TSPAN14: variants seen among roughly 807,000 people sequenced by gnomAD.
TSPAN14 encodes tetraspanin 14.
A neutral mutation model predicts 36.6 loss-of-function variants in TSPAN14; 16 were observed. The ratio of observed to expected loss-of-function variants is 0.44; its 90% CI spans 0.30 to 0.66. The LOEUF is 0.66. Among genes scored for constraint, TSPAN14 ranks in the 30% least tolerant of loss-of-function variants. The pLI, the probability that TSPAN14 is intolerant of heterozygous loss-of-function variation, is 0.12. For synonymous variants in TSPAN14, 139 were observed against 143.8 expected, an observed-to-expected ratio of 0.97 and a Z score of 0.24; for missense variants, 231 against 355.1, an observed-to-expected ratio of 0.65 and a Z score of 2.81.
At chr10:80,457,874 A>G (rs150051090) in intron 1 of TSPAN14, among the ~76,000 whole-genome samples, 157 of 152,350 alleles carry the variant, frequency 1.0e-3, no homozygotes, top group African/African-American at 3.3e-3. Flanking sequence ...CTGCATGTTC[A>G]TCACTTATCT....
exon 9 of TSPAN14, chr10:80,520,630 T>A: frequency 1.9e-6 from 1 of 533,482 alleles, no homozygotes; most frequent in Non-Finnish European, 3.8e-6. Flanking sequence ...TTATTTTTCC[T>A]GTCCCGTCTT....
chr10:80,499,880 T>TGA (rs1848397376), intron 2 of TSPAN14, among the ~76,000 whole-genome samples: 1 of 151,410 alleles, frequency 6.6e-6, no homozygotes, highest in Non-Finnish European at 1.5e-5. Flanking sequence ...GCCCCGTTCT[T>TGA]CAGTAGGTAA....
At chr10:80,508,277 G>A (rs1281083369) in intron 4 of TSPAN14, among the ~76,000 whole-genome samples, 1 of 151,926 alleles carries the variant, frequency 6.6e-6, no homozygotes, top group Admixed American at 6.6e-5. Context: ...TACCATGCCT[G>A]GCTAATTTTT....
intron 2 of TSPAN14, 117 bp from the exon 3 acceptor site, chr10:80,504,609 ATG>A: frequency 1.7e-6 from 2 of 1,172,364 alleles, no homozygotes; most frequent in East Asian, 4.7e-5. Flanking sequence ...CTGAGGGGCC[ATG>A]TGGGATGTGA....
rs892727560 is a variant in TSPAN14 at position 80,512,363 on chromosome 10, C to A, written c.576+94C>A. On this transcript the variant is annotated intron_variant, in intron 6 of 8. Coordinates refer to ENST00000429989, the Ensembl canonical transcript of TSPAN14. ...CCAGTGCTCTAGGATACTTCTCTGT[C>A]ATGGAGGTCTGAGGAGCAGGTGTGC... The A allele has an allele frequency of 9.9e-6, 15 of 1,520,354 alleles. No homozygotes were observed. The African/African-American group carries it at 2.1e-4, about 21-fold the overall frequency. The allele number at this position is 1,520,354 out of a possible 1,614,324, so 94.2% of individuals were successfully genotyped here.
In TSPAN14 at chr10:80,509,423, C is replaced by T. The variant is rs1363728520; in HGVS notation, c.402C>T (p.Tyr134=). Residue 134 remains tyrosine, a synonymous_variant, in exon 5 of 9, where the codon TAC becomes TAT. Transcript: ENST00000429989. The surrounding 1 kb of genome is among the most constrained non-coding windows in gnomAD (Gnocchi z 4.7). ...TCTTCGAGAGCAACATCAAGTCCTA[C>T]CGGGACGATATCGATCTGCAAAACC... The T allele has an allele frequency of 6.2e-7, 1 of 1,614,152 alleles. No individual in the cohort carries two copies. The highest frequency in any genetic ancestry group is 8.5e-7 in the Non-Finnish European group (1 of 1,180,030).
intron 1 of TSPAN14, among the ~76,000 whole-genome samples, chr10:80,485,323 A>G (rs1011198192): frequency 6.6e-6 from 1 of 152,160 alleles, no homozygotes; most frequent in East Asian, 1.9e-4. Flanking sequence ...GCTAGGGACC[A>G]TGGTCATTTT....
intron 2 of TSPAN14, among the ~76,000 whole-genome samples, chr10:80,499,199 C>T (rs1258197606): frequency 2.0e-5 from 3 of 152,102 alleles, no homozygotes; most frequent in Non-Finnish European, 4.4e-5. Context: ...AGGGCCTGGC[C>T]GGGTGTCACT....
chr10:80,483,645 A>C (rs1847414755), intron 1 of TSPAN14, among the ~76,000 whole-genome samples: 1 of 152,132 alleles, frequency 6.6e-6, no homozygotes, highest in African/African-American at 2.4e-5. Context: ...ATGGTGGCTT[A>C]TGCCTATAAT....
chr10:80,506,252 C>T (rs1028797019), intron 3 of TSPAN14, among the ~76,000 whole-genome samples: 56 of 152,206 alleles, frequency 3.7e-4, no homozygotes, highest in Admixed American at 1.4e-3. Flanking sequence ...GGATTACAGA[C>T]GTGAGCCGCC....
rs149060936 is a variant in TSPAN14 at position 80,470,904 on chromosome 10, G to A, written c.-18+16533G>A. ...TAATCTTCATTGGAGGGTCAGTCTC[G>A]GGGTGAAACAGTTGCCTGCTGCCAG... On this transcript the variant is annotated intron_variant, in intron 1 of 8. Transcript: ENST00000429989. Among the ~76,000 whole-genome samples, 84 of 152,256 alleles carry A rather than the reference G, an allele frequency of 5.5e-4. 1 individual carries two copies. The highest frequency in any genetic ancestry group is 1.8e-3 in the African/African-American group (74 of 41,546).
chr10:80,517,826 C>T, intron 8 of TSPAN14, 79 bp from the exon 9 acceptor site: 1 of 1,429,686 alleles, frequency 7.0e-7, no homozygotes, highest in Admixed American at 2.0e-5. Context: ...AGTGGGAGCT[C>T]CCAACCCCAC....
chr10:80,517,207 G>A (rs553537367), intron 8 of TSPAN14, among the ~76,000 whole-genome samples: 2 of 152,250 alleles, frequency 1.3e-5, no homozygotes, highest in South Asian at 2.1e-4. Flanking sequence ...CTCCTTCAAG[G>A]AAGACTAAGA....
At chr10:80,487,547 T>A (rs1345206693) in intron 1 of TSPAN14, among the ~76,000 whole-genome samples, 1 of 152,198 alleles carries the variant, frequency 6.6e-6, no homozygotes, top group Non-Finnish European at 1.5e-5. Flanking sequence ...GCTGAGGTCA[T>A]GTTGCTGAAG....
intron 1 of TSPAN14, among the ~76,000 whole-genome samples, chr10:80,480,993 T>C (rs927974416): frequency 2.0e-5 from 3 of 152,088 alleles, no homozygotes; most frequent in African/African-American, 7.2e-5. Flanking sequence ...GTATCCTAGC[T>C]ACTCCAGAGG....
At chr10:80,511,828 T>C (rs1840669139) in intron 5 of TSPAN14, among the ~76,000 whole-genome samples, 1 of 150,366 alleles carries the variant, frequency 6.7e-6, no homozygotes, top group Non-Finnish European at 1.5e-5. Context: ...TCTTTCTTTC[T>C]GATTGGGGGT....
chr10:80,512,446 T>C (rs1283453139), intron 6 of TSPAN14, among the ~76,000 whole-genome samples, 177 bp downstream of exon 6: 2 of 152,210 alleles, frequency 1.3e-5, no homozygotes, highest in Non-Finnish European at 2.9e-5. Flanking sequence ...GTGTACATTC[T>C]AGGAACACTG....
intron 4 of TSPAN14, among the ~76,000 whole-genome samples, chr10:80,508,104 TTTTTCTTTTC>T (rs1405225609): frequency 6.6e-6 from 1 of 150,378 alleles, no homozygotes; most frequent in African/African-American, 2.5e-5. Context: ...GTGTGTTTCC[TTTTTCTTTTC>T]TTTTCTTTTT....
chr10:80,508,264 C>T (rs543000755), intron 4 of TSPAN14, among the ~76,000 whole-genome samples: 8 of 152,076 alleles, frequency 5.3e-5, no homozygotes, highest in South Asian at 2.1e-4. Flanking sequence ...TACAGGCGCC[C>T]GCTACCATGC....
Sources: allele counts gnomAD v4.1 joint callset (sites outside exome capture counted in the v4.1 genomes callset), GRCh38; gene constraint gnomAD v4.1.1; non-coding constraint Gnocchi (gnomAD v3.1); transcripts MANE v1.5; gene names NCBI Gene and HGNC (gene_info 2026-07-23, HGNC 2026-07-21).